The following RNF157 variants were observed in gnomAD, a reference collection of about 807,000 sequenced individuals.
RNF157 encodes ring finger protein 157.
In RNF157, 55 loss-of-function variants were observed where a neutral mutation model predicts 88.3. That is an observed-to-expected ratio of 0.62 (90% CI 0.50 to 0.78). RNF157 has a LOEUF of 0.78. RNF157 is among the 30% of genes least tolerant of loss of function. RNF157 has a pLI of 0.00. For synonymous variants in RNF157, 334 were observed against 341.2 expected (o/e 0.98, Z 0.23); for missense variants, 788 against 860.8 (o/e 0.92, Z 1.06).
intron 2 of RNF157, among the ~76,000 whole-genome samples, chr17:76,186,226 C>A (rs2069283871): frequency 6.6e-6 from 1 of 152,252 alleles, no homozygotes; most frequent in East Asian, 1.9e-4. Flanking sequence ...TATTTATGGG[C>A]CAGGTGCGGT....
intron 2 of RNF157, among the ~76,000 whole-genome samples, chr17:76,199,210 C>T (rs2069529627): frequency 6.6e-6 from 1 of 152,160 alleles, no homozygotes; most frequent in South Asian, 2.1e-4. Flanking sequence ...AGTACAGAGA[C>T]CAGATTAAAA....
chr17:76,197,701 G>T (rs57938794), intron 2 of RNF157, among the ~76,000 whole-genome samples: 13,411 of 152,134 alleles, frequency 0.088, 1,248 homozygotes, highest in African/African-American at 0.24. Flanking sequence ...CCCGAGTGCT[G>T]GGATTACAGA....
intron 17 of RNF157, 93 bp downstream of exon 17, chr17:76,154,190 C>T: frequency 2.2e-6 from 2 of 906,160 alleles, no homozygotes; most frequent in Non-Finnish European, 3.7e-6. Context: ...AGCAGCGCCA[C>T]CACGTCATAC....
intron 1 of RNF157, among the ~76,000 whole-genome samples, chr17:76,237,910 C>T (rs138332011): frequency 7.2e-5 from 11 of 152,116 alleles, no homozygotes; most frequent in African/African-American, 2.7e-4. Context: ...TGGTGAAACC[C>T]CATCTCCACT....
intron 2 of RNF157, among the ~76,000 whole-genome samples, chr17:76,201,375 G>A (rs1265346268): frequency 6.6e-6 from 1 of 151,346 alleles, no homozygotes; most frequent in East Asian, 1.9e-4. Context: ...AGCTGTGCAT[G>A]GTGTCATGTA....
At chr17:76,234,298 CATTT>C (rs772859956) in intron 1 of RNF157, among the ~76,000 whole-genome samples, 1 of 152,146 alleles carries the variant, frequency 6.6e-6, no homozygotes, top group East Asian at 1.9e-4. Flanking sequence ...GGTTGATGAA[CATTT>C]GGGTTATTTC....
In RNF157 at chr17:76,159,415, G is replaced by A. The variant is rs1298406923; in HGVS notation, c.1224C>T (p.Pro408=). ...CAAGAGGCGAGATCGTCCTGACGGG[G>A]GGCAGGTGGCCATCACTGCCATATG... ...LPSYGSDGHL[P]PVRTISPLDR... is the part of the protein sequence containing the mutation. Residue 408 remains proline (P), a synonymous_variant, in exon 12 of 19, where the codon CCC becomes CCT. Transcript: ENST00000269391. 6 of 1,613,176 alleles carry A rather than the reference G, an allele frequency of 3.7e-6. No individual in the cohort carries two copies. Among genetic ancestry groups the A allele is most frequent in the Non-Finnish European group, 5.1e-6 (6 of 1,179,712 alleles).
chr17:76,198,404 G>A (rs2069513756), intron 2 of RNF157, among the ~76,000 whole-genome samples: 1 of 152,170 alleles, frequency 6.6e-6, no homozygotes, highest in African/African-American at 2.4e-5. Context: ...TTCCAAAACT[G>A]CCACAGAGAT....
At chr17:76,182,716 G>A (rs1326240154) in intron 2 of RNF157, among the ~76,000 whole-genome samples, 3 of 135,946 alleles carry the variant, frequency 2.2e-5, no homozygotes, top group African/African-American at 8.7e-5. Flanking sequence ...TTTTTTTAAA[G>A]TATATACTTT....
Position 76,145,316 on chromosome 17 carries a change from A to G in RNF157, c.1959T>C (p.Asn653=). ...TGGATGACAAGCGCCGGCGCTGGGC[A>G]TTCCGACTGACGGCATTGTCATCAG... ...WQADDNAVSR[N]AQRRRLSSSS... Residue 653 remains asparagine (N), a synonymous_variant, in exon 19 of 19, where the codon AAT becomes AAC. Coordinates refer to ENST00000269391, the MANE Select transcript of RNF157 (RefSeq NM_052916.3). 1 of 1,613,026 alleles carries G rather than the reference A, an allele frequency of 6.2e-7. No homozygotes were observed. The highest frequency in any genetic ancestry group is 8.5e-7 in the Non-Finnish European group (1 of 1,179,662).
chr17:76,197,213 G>T (rs947839106), intron 2 of RNF157, among the ~76,000 whole-genome samples: 1 of 152,190 alleles, frequency 6.6e-6, no homozygotes, highest in African/African-American at 2.4e-5. Flanking sequence ...TAGGAGACAC[G>T]GGGCTGTATA....
At chr17:76,203,819 G>A (rs1370136609) in intron 2 of RNF157, among the ~76,000 whole-genome samples, 2 of 148,630 alleles carry the variant, frequency 1.3e-5, no homozygotes, top group Non-Finnish European at 3.0e-5. Context: ...CCAGGCTGGA[G>A]TGCAGTGGCA....
Position 76,166,490 on chromosome 17 carries a change from A to G in RNF157, c.599T>C (p.Val200Ala). ...TCCTTCATCCACCACGGCATGTACC[A>G]CTAGAGGGTAAACTTCTCGGTCTAA... ...FDLDREVYPL[V>A]VHAVVDEGDE... Residue 200 changes from valine to alanine, a missense_variant, in exon 6 of 19, where the codon GTG (valine) becomes GCG (alanine). By Grantham distance (64) the Val-to-Ala change is moderately conservative. Coordinates refer to ENST00000269391, the MANE Select transcript of RNF157 (RefSeq NM_052916.3). 6.2e-7 allele frequency: 1 copy of G among 1,614,120 alleles called. No individual in the cohort carries two copies. Among genetic ancestry groups the G allele is most frequent in the Non-Finnish European group, 8.5e-7 (1 of 1,180,000 alleles).
rs940947115 is a variant in RNF157 at position 76,176,362 on chromosome 17, T to C, written c.208-2572A>G. ...GGGATCCTAAAGGATAAATGAAATT[T>C]GCAAATTCAGAGATAACAGAGAAGA... On this transcript the variant is annotated intron_variant, in intron 2 of 18. Transcript: ENST00000269391. The surrounding 1 kb of genome is among the most constrained non-coding windows in gnomAD (Gnocchi z 4.2). Among the ~76,000 whole-genome samples the C allele has an allele frequency of 6.6e-6, 1 of 152,160 alleles. No individual in the cohort carries two copies. The highest frequency in any genetic ancestry group is 1.5e-5 in the Non-Finnish European group (1 of 68,012).
At position 76,185,475 on chromosome 17, in the gene RNF157, C is replaced by CTTTTTTTTTT. The variant is rs71161271; in HGVS notation, c.208-11695_208-11686dup. ...ACTAGTGGTCAGAGATTAGTCCTTT[C>CTTTTTTTTTT]TTTTTTTTTTTTGAGACGGAGTCTC... is the stretch of plus-strand genomic sequence containing the variant. On this transcript the variant is annotated intron_variant, in intron 2 of 18. Transcript: ENST00000269391. 4.7e-4 allele frequency among the ~76,000 whole-genome samples: 66 copies of CTTTTTTTTTT among 141,890 alleles called. 1 individual carries two copies. Among genetic ancestry groups the CTTTTTTTTTT allele is most frequent in the African/African-American group, 7.9e-4 (29 of 36,834 alleles). 93.1% of individuals were successfully genotyped at this position (141,890 alleles called of 152,430 possible). A position where few individuals can be genotyped will look rare whatever the true frequency, so the allele number is the denominator to read the frequency against.
At chr17:76,156,750 C>T (rs895344288) in intron 13 of RNF157, among the ~76,000 whole-genome samples, 1 of 152,204 alleles carries the variant, frequency 6.6e-6, no homozygotes, top group Admixed American at 6.5e-5. Context: ...TCCTGCCCAG[C>T]TGCTTTCTGA....
chr17:76,237,973 A>T (rs923124087), intron 1 of RNF157, among the ~76,000 whole-genome samples: 1 of 151,874 alleles, frequency 6.6e-6, no homozygotes, highest in African/African-American at 2.4e-5. Flanking sequence ...AATCCCAGCT[A>T]CTTGGGAGAC....
chr17:76,189,270 T>C (rs2069343532), intron 2 of RNF157, among the ~76,000 whole-genome samples: 1 of 152,248 alleles, frequency 6.6e-6, no homozygotes. Flanking sequence ...TAGGTGGAGC[T>C]GGATAAAGGC....
At chr17:76,172,632 A>AAAT (rs1229174940) in intron 3 of RNF157, among the ~76,000 whole-genome samples, 1 of 147,734 alleles carries the variant, frequency 6.8e-6, no homozygotes, top group South Asian at 2.2e-4. Context: ...AAAAAAAAAA[A>AAAT]AGGCGAGACT....
Sources: allele counts gnomAD v4.1 joint callset (sites outside exome capture counted in the v4.1 genomes callset), GRCh38; gene constraint gnomAD v4.1.1; non-coding constraint Gnocchi (gnomAD v3.1); transcripts MANE v1.5; gene names NCBI Gene and HGNC (gene_info 2026-07-23, HGNC 2026-07-21).